Variants in KIF6 observed in about 807,000 individuals in gnomAD.
KIF6 encodes kinesin-like protein KIF6.
A neutral mutation model predicts 112.7 loss-of-function variants in KIF6; 106 were observed. That is an observed-to-expected ratio of 0.94 (90% CI 0.80 to 1.11). The LOEUF (loss-of-function observed/expected upper bound fraction) is 1.11. Among genes scored for constraint, KIF6 ranks in the 50% least tolerant of loss-of-function variants. The pLI is 0.00. For synonymous variants in KIF6, 339 were observed against 339.9 expected, an observed-to-expected ratio of 1.00 and a Z score of 0.03; for missense variants, 929 against 964.0, an observed-to-expected ratio of 0.96 and a Z score of 0.48.
intron 1 of KIF6, 31 bp downstream of exon 1, chr6:39,725,214 G>A (rs1790470480): frequency 1.9e-6 from 3 of 1,594,490 alleles, no homozygotes; most frequent in East Asian, 4.6e-5. Context: ...AGGCCCCGCC[G>A]CGCCGGCGCC....
At chr6:39,611,511 G>T (rs1485236276) in intron 6 of KIF6, among the ~76,000 whole-genome samples, 2 of 152,082 alleles carry the variant, frequency 1.3e-5, no homozygotes, top group Non-Finnish European at 2.9e-5. Flanking sequence ...ACAGGTTAAG[G>T]GCCTTTCCAT....
Position 39,331,135 on chromosome 6 carries a change from T to C in KIF6, c.*5397A>G, listed in dbSNP as rs113540182. The C allele has an allele frequency of 0.076, 11,565 of 152,556 alleles. 512 individuals carry two copies. Among genetic ancestry groups the C allele is most frequent in the African/African-American group, 0.1 (4,283 of 41,550 alleles). The allele number at this position is 152,556 out of a possible 1,614,324, so 9.5% of individuals were successfully genotyped here. A position where few individuals can be genotyped will look rare whatever the true frequency, so the allele number is the denominator to read the frequency against. On this transcript the variant is annotated 3_prime_UTR_variant, in exon 23 of 23. Transcript: ENST00000287152. ...GTTCTCACACTCCCACCCACCTTGA[T>C]AGTGAGTCCAAGCCCATCCTACCCC...
chr6:39,398,007 G>A (rs912420782), intron 15 of KIF6, among the ~76,000 whole-genome samples: 3 of 152,300 alleles, frequency 2.0e-5, no homozygotes, highest in Non-Finnish European at 4.4e-5. Context: ...TTAGGGGAGA[G>A]AGATCCTGAA....
rs1242586612 is a variant in KIF6, at chr6:39,361,558, C to CAAA, written c.1946+873_1946+875dup. 6.5e-4 allele frequency among the ~76,000 whole-genome samples: 29 copies of CAAA among 44,576 alleles called. 1 individual carries two copies. Among genetic ancestry groups the CAAA allele is most frequent in the African/African-American group, 1.3e-3 (18 of 14,218 alleles). 29.2% of individuals were successfully genotyped at this position (44,576 alleles called of 152,430 possible). On this transcript the variant is annotated intron_variant, in intron 17 of 22. Coordinates refer to ENST00000287152, the MANE Select transcript of KIF6 (RefSeq NM_145027.6). Reference sequence around the variant, plus strand: ...TGGGAAACAAAGTGAGGCTCCATCTCAAAAAAAAAAAAAAAAAAAAAAGCG... The same window carrying CAAA: ...TGGGAAACAAAGTGAGGCTCCATCTCAAAAAAAAAAAAAAAAAAAAAAAAAGCG...
intron 19 of KIF6, among the ~76,000 whole-genome samples, chr6:39,350,565 AGAG>A (rs1764164553): frequency 6.6e-6 from 1 of 152,188 alleles, no homozygotes; most frequent in Admixed American, 6.6e-5. Context: ...TATTGCCGTC[AGAG>A]GAGAAGGCCA....
At chr6:39,595,113 G>A (rs1007734987) in intron 7 of KIF6, among the ~76,000 whole-genome samples, 1 of 152,122 alleles carries the variant, frequency 6.6e-6, no homozygotes, top group Non-Finnish European at 1.5e-5. Context: ...AAAGCTACAA[G>A]GCTAACAGAA....
At chr6:39,667,534 A>C (rs1786550032) in intron 3 of KIF6, among the ~76,000 whole-genome samples, 1 of 152,152 alleles carries the variant, frequency 6.6e-6, no homozygotes, top group Admixed American at 6.5e-5. Context: ...ACCCAAAAGA[A>C]TGCTTTACCA....
intron 10 of KIF6, among the ~76,000 whole-genome samples, chr6:39,546,449 T>A (rs1244033013): frequency 6.6e-6 from 1 of 152,230 alleles, no homozygotes; most frequent in Non-Finnish European, 1.5e-5. Flanking sequence ...CTTACAATCA[T>A]GTTGTTTTTC....
intron 10 of KIF6, among the ~76,000 whole-genome samples, chr6:39,569,579 C>T (rs1195711183): frequency 6.6e-6 from 1 of 152,184 alleles, no homozygotes; most frequent in Non-Finnish European, 1.5e-5. Context: ...AAAATTTGAA[C>T]TGCAACTTAA....
chr6:39,547,014 CT>C (rs1204295600), intron 10 of KIF6, among the ~76,000 whole-genome samples: 2 of 152,140 alleles, frequency 1.3e-5, no homozygotes, highest in Non-Finnish European at 2.9e-5. Flanking sequence ...CATGGTTCCC[CT>C]CTAGGTTGAG....
At chr6:39,385,535 G>T in intron 16 of KIF6, 87 bp downstream of exon 16, 3 of 1,128,778 alleles carry the variant, frequency 2.7e-6, no homozygotes, top group South Asian at 1.2e-5. Context: ...TTTTAAATGG[G>T]TTATCTTTTA....
At chr6:39,442,598 T>G (rs1034225526) in intron 13 of KIF6, among the ~76,000 whole-genome samples, 1 of 152,194 alleles carries the variant, frequency 6.6e-6, no homozygotes, top group Non-Finnish European at 1.5e-5. Flanking sequence ...GACAGCACGC[T>G]GTGGCTCCTG....
chr6:39,704,583 A>G, intron 3 of KIF6, among the ~76,000 whole-genome samples: 1 of 152,028 alleles, frequency 6.6e-6, no homozygotes, highest in Non-Finnish European at 1.5e-5. Context: ...GTGCCACCGC[A>G]CTCCAGCCTG....
At chr6:39,533,317 G>A (rs186546990) in intron 13 of KIF6, among the ~76,000 whole-genome samples, 6 of 152,322 alleles carry the variant, frequency 3.9e-5, no homozygotes, top group South Asian at 2.1e-4. Flanking sequence ...CTAATACTGC[G>A]CTTTTCTGAT....
intron 15 of KIF6, among the ~76,000 whole-genome samples, chr6:39,394,988 A>G (rs977319082): frequency 6.6e-6 from 1 of 152,230 alleles, no homozygotes; most frequent in Non-Finnish European, 1.5e-5. Context: ...TGAACATTTC[A>G]GCTTGGGATG....
intron 5 of KIF6, among the ~76,000 whole-genome samples, chr6:39,625,953 T>C (rs1784071076): frequency 6.6e-6 from 1 of 152,136 alleles, no homozygotes; most frequent in African/African-American, 2.4e-5. Flanking sequence ...ATACAACTGG[T>C]TCCAAAGAGA....
chr6:39,503,849 GAAA>G (rs772144009), intron 13 of KIF6, among the ~76,000 whole-genome samples: 1 of 81,956 alleles, frequency 1.2e-5, no homozygotes, highest in Non-Finnish European at 2.5e-5. Context: ...CAACCAACCA[GAAA>G]AAAAAAAAAA....
chr6:39,591,825 C>T (rs1173589090), intron 7 of KIF6, among the ~76,000 whole-genome samples: 1 of 152,080 alleles, frequency 6.6e-6, no homozygotes, highest in Non-Finnish European at 1.5e-5. Context: ...TAAAACCTGA[C>T]TTTTTGGCCA....
chr6:39,675,155 G>T (rs1286556154), intron 3 of KIF6, among the ~76,000 whole-genome samples: 2 of 152,096 alleles, frequency 1.3e-5, no homozygotes, highest in Non-Finnish European at 2.9e-5. Flanking sequence ...CGAAATAAAA[G>T]CTTATGAGCT....
Sources: gnomAD v4.1 joint callset for allele counts (sites outside exome capture counted in the v4.1 genomes callset) on GRCh38, gnomAD v4.1.1 for gene constraint, MANE v1.5 for transcripts, NCBI Gene and HGNC (gene_info 2026-07-23, HGNC 2026-07-21) for gene names.